Variants in TET1 observed in about 807,000 individuals in gnomAD.
TET1 encodes the protein tet methylcytosine dioxygenase 1.
TET1 carries 13 observed loss-of-function variants against 148.7 expected under a neutral mutation model. The observed-to-expected ratio is 0.09, with a 90% CI of 0.06 to 0.14. The LOEUF (loss-of-function observed/expected upper bound fraction) is 0.14, where lower values mean the gene tolerates loss of function less well. Ranked by LOEUF, TET1 falls within the 10% of genes least tolerant of loss-of-function variation. The pLI, the probability that TET1 is intolerant of heterozygous loss-of-function variation, is 1.00. For synonymous variants in TET1, 907 were observed against 937.2 expected (o/e 0.97, Z 0.59); for missense variants, 2,182 against 2,553.8 (o/e 0.85, Z 3.14).
At chr10:68,570,925 G>A (rs1363146624) in intron 1 of TET1, among the ~76,000 whole-genome samples, 3 of 151,562 alleles carry the variant, frequency 2.0e-5, no homozygotes, top group Admixed American at 6.6e-5. Flanking sequence ...GAACCACCGC[G>A]CCTGGCCTAA....
At chr10:68,571,033 C>T (rs1012977632) in intron 1 of TET1, among the ~76,000 whole-genome samples, 1 of 151,718 alleles carries the variant, frequency 6.6e-6, no homozygotes, top group Non-Finnish European at 1.5e-5. Flanking sequence ...CTGTGTCACC[C>T]AGGCTGGAGT....
intron 3 of TET1, among the ~76,000 whole-genome samples, chr10:68,641,471 C>CATTTATTTATTT (rs35059085): frequency 6.7e-6 from 1 of 148,244 alleles, no homozygotes; most frequent in African/African-American, 2.5e-5. Flanking sequence ...AGGAGGTTAC[C>CATTTATTTATTT]ATTTATTTAT....
At chr10:68,682,649 A>G (rs2055452392) in intron 9 of TET1, among the ~76,000 whole-genome samples, 187 bp from the exon 10 acceptor site, 1 of 152,156 alleles carries the variant, frequency 6.6e-6, no homozygotes, top group African/African-American at 2.4e-5. Flanking sequence ...CTTTTACTCC[A>G]TGTATTGTCA....
At chr10:68,566,782 TTCCATAA>T (rs2053612005) in intron 1 of TET1, among the ~76,000 whole-genome samples, 1 of 151,826 alleles carries the variant, frequency 6.6e-6, no homozygotes, top group Non-Finnish European at 1.5e-5. Flanking sequence ...GTTAAACTGG[TTCCATAA>T]TAATGATAAC....
chr10:68,646,635 C>G lies in TET1; in HGVS notation c.3906C>G (p.Pro1302=), dbSNP rs751644630. ...AGAAAGCCCATCCTTTGACCCAGCC[C>G]TCCTCTCCACCTAACCAGTGTGCTA... ...ANQKAHPLTQ[P]SSPPNQCANV... The change falls in exon 4 of 12, where the codon CCC becomes CCG. Residue 1302 remains proline (P), a synonymous_variant. Coordinates refer to ENST00000373644, the MANE Select transcript of TET1 (RefSeq NM_030625.3). 1 of 1,614,170 alleles carries G rather than the reference C, an allele frequency of 6.2e-7. No individual in the cohort carries two copies. Among genetic ancestry groups the G allele is most frequent in the Non-Finnish European group, 8.5e-7 (1 of 1,180,044 alleles).
At chr10:68,612,675 G>T (rs1029842600) in intron 3 of TET1, among the ~76,000 whole-genome samples, 8 of 152,136 alleles carry the variant, frequency 5.3e-5, no homozygotes, top group African/African-American at 1.9e-4. Flanking sequence ...CCGTAGTGCA[G>T]TGGCAAGATC....
intron 3 of TET1, among the ~76,000 whole-genome samples, chr10:68,623,379 A>G (rs1287877955): frequency 6.6e-6 from 1 of 152,214 alleles, no homozygotes; most frequent in Non-Finnish European, 1.5e-5. Flanking sequence ...GAAAGGTTAA[A>G]ATAGGACTGT....
At chr10:68,622,695 T>A (rs1281621424) in intron 3 of TET1, among the ~76,000 whole-genome samples, 1 of 148,336 alleles carries the variant, frequency 6.7e-6, no homozygotes. Context: ...ACATTGGCAG[T>A]TTTAAAGAAT....
In TET1 at chr10:68,624,099, C is replaced by CTT. The variant is rs773374173; in HGVS notation, c.1969-20596_1969-20595dup. On this transcript the variant is annotated intron_variant, in intron 3 of 11. Coordinates refer to ENST00000373644, the MANE Select transcript of TET1 (RefSeq NM_030625.3). The stretch of plus-strand genomic sequence containing the variant: ...TATTTTCTTTTTTCTTTCTTTCTTT[C>CTT]TTTTCTTTTTTTTTTGAAATGGAGT... 2.2e-4 allele frequency among the ~76,000 whole-genome samples: 33 copies of CTT among 148,128 alleles called. 2 individuals are homozygous for CTT. Among genetic ancestry groups the CTT allele is most frequent in the Non-Finnish European group, 3.0e-4 (20 of 67,282 alleles).
intron 3 of TET1, among the ~76,000 whole-genome samples, chr10:68,627,350 C>T (rs2133007402): frequency 6.6e-6 from 1 of 152,038 alleles, no homozygotes; most frequent in East Asian, 1.9e-4. Flanking sequence ...GCAGAGGTTG[C>T]AGTGAGCCAA....
chr10:68,564,155 T>TC (rs34701254), intron 1 of TET1, among the ~76,000 whole-genome samples: 2,024 of 147,296 alleles, frequency 0.014, 26 homozygotes, highest in Non-Finnish European at 0.023. Context: ...TCTATTGTTT[T>TC]CTTTTTTTTT....
At chr10:68,631,433 C>CTTTTTTTTTTTTTTTTTTTTTTT (rs546257824) in intron 3 of TET1, among the ~76,000 whole-genome samples, 4 of 110,588 alleles carry the variant, frequency 3.6e-5, no homozygotes, top group Non-Finnish European at 7.1e-5. Context: ...TTTCTTTCTT[C>CTTTTTTTTTTTTTTTTTTTTTTT]TTTTTTTTTT....
intron 3 of TET1, among the ~76,000 whole-genome samples, chr10:68,608,338 C>T (rs565114586): frequency 1.5e-3 from 230 of 151,916 alleles, no homozygotes; most frequent in African/African-American, 5.4e-3. Context: ...CAGGTTCAAG[C>T]GATTCTCCTA....
At chr10:68,683,480 G>A (rs1300786105) in intron 10 of TET1, among the ~76,000 whole-genome samples, 3 of 151,948 alleles carry the variant, frequency 2.0e-5, no homozygotes, top group African/African-American at 7.2e-5. Flanking sequence ...GGATTTCACT[G>A]TGTTAGCCAG....
chr10:68,611,187 AGG>A (rs1423545965), intron 3 of TET1, among the ~76,000 whole-genome samples: 1 of 152,036 alleles, frequency 6.6e-6, no homozygotes, highest in Non-Finnish European at 1.5e-5. Context: ...GCTACTCGGG[AGG>A]CTGAGGTAGG....
chr10:68,601,480 A>G (rs2054054891), intron 3 of TET1, among the ~76,000 whole-genome samples: 1 of 152,216 alleles, frequency 6.6e-6, no homozygotes, highest in South Asian at 2.1e-4. Flanking sequence ...AAAGTCCTTA[A>G]TGTGTAAGTA....
At chr10:68,586,563 G>A (rs936088564) in intron 2 of TET1, among the ~76,000 whole-genome samples, 3 of 147,928 alleles carry the variant, frequency 2.0e-5, no homozygotes, top group Non-Finnish European at 3.0e-5. Context: ...TTGAACTCCC[G>A]GCCTCAAGTG....
rs186834413 is a variant in TET1, at chr10:68,642,206, T to C, written c.1969-2492T>C. ...TTCTCTAGAGCTGAGGCAGGAGACT[T>C]GCTTCAGTCCAGCACTTCAAAATCA... On this transcript the variant is annotated intron_variant, in intron 3 of 11. Coordinates refer to ENST00000373644, the MANE Select transcript of TET1 (RefSeq NM_030625.3). Among the ~76,000 whole-genome samples the C allele has an allele frequency of 4.6e-5, 7 of 152,254 alleles. No homozygotes were observed. The South Asian group carries it at 8.3e-4, about 18-fold the overall frequency.
intron 8 of TET1, among the ~76,000 whole-genome samples, chr10:68,681,111 C>CA (rs1293919578): frequency 6.6e-6 from 1 of 152,172 alleles, no homozygotes; most frequent in Non-Finnish European, 1.5e-5. Context: ...AAATATAAAA[C>CA]ATAGCTCTCA....
Sources: gnomAD v4.1 joint callset for allele counts (sites outside exome capture counted in the v4.1 genomes callset) on GRCh38, gnomAD v4.1.1 for gene constraint, MANE v1.5 for transcripts, NCBI Gene and HGNC (gene_info 2026-07-23, HGNC 2026-07-21) for gene names.